The following ATM variants were observed in gnomAD, a reference collection of about 807,000 sequenced individuals.
ATM encodes serine-protein kinase ATM.
In ATM, 308 loss-of-function variants were observed where a neutral mutation model predicts 387.0. The observed-to-expected ratio is 0.80, with a 90% CI of 0.73 to 0.87. The LOEUF (loss-of-function observed/expected upper bound fraction) is 0.87, where lower values mean the gene tolerates loss of function less well. ATM is among the 40% of genes least tolerant of loss of function. The pLI is 0.00. For synonymous variants in ATM, 1,156 were observed against 1,187.3 expected, an observed-to-expected ratio of 0.97 and a Z score of 0.54; for missense variants, 3,312 against 3,560.9, an observed-to-expected ratio of 0.93 and a Z score of 1.78.
At chr11:108,240,861 AC>A (rs1391429029) in intron 5 of ATM, among the ~76,000 whole-genome samples, 7 of 152,198 alleles carry the variant, frequency 4.6e-5, no homozygotes, top group African/African-American at 1.7e-4. Flanking sequence ...TACTAAAGTA[AC>A]ATTAGCTACT....
intron 22 of ATM, among the ~76,000 whole-genome samples, chr11:108,275,254 C>T (rs2081875324): frequency 6.6e-6 from 1 of 152,080 alleles, no homozygotes; most frequent in South Asian, 2.1e-4. Context: ...CTATGTGTGT[C>T]TTTGCATGTG....
chr11:108,293,572 TTTCTTTAATTGTGATTAAAAATATATAC>T, intron 31 of ATM, 95 bp downstream of exon 31: 1 of 1,136,530 alleles, frequency 8.8e-7, no homozygotes, highest in Non-Finnish European at 1.3e-6. Context: ...AATGGAATCT[TTTCTTTAATTGTGATTAAAAATATATAC>T]GTAGGCCAGG....
intron 30 of ATM, among the ~76,000 whole-genome samples, chr11:108,293,001 G>A (rs1430768974): frequency 6.6e-6 from 1 of 152,182 alleles, no homozygotes; most frequent in African/African-American, 2.4e-5. Context: ...CTACTGTGCT[G>A]AAGTAGAGAG....
Position 108,366,794 on chromosome 11 carries a change from G to A in ATM, c.*1286G>A, listed in dbSNP as rs1288670842. 1 of 230,266 alleles carries A rather than the reference G, an allele frequency of 4.3e-6. No individual in the cohort carries two copies. The highest frequency in any genetic ancestry group is 8.6e-6 in the Non-Finnish European group (1 of 116,258). The allele number at this position is 230,266 out of a possible 1,614,324, so 14.3% of individuals were successfully genotyped here. ...GATGCCTTTTTCACTGAGAGTATAA[G>A]CTTCCATGTGTCCCACCTTTATGGC... On this transcript the variant is annotated 3_prime_UTR_variant, in exon 63 of 63. Transcript: ENST00000675843.
intron 61 of ATM, 142 bp downstream of exon 61, chr11:108,355,016 G>T: frequency 1.4e-6 from 1 of 716,944 alleles, no homozygotes. Flanking sequence ...AGGAGATTGT[G>T]CACTTAGCCT....
Position 108,320,918 on chromosome 11 carries a change from AG to A in ATM, c.6453-382del, listed in dbSNP as rs1167053782. ...AATACCATATTCTTACAATAAAGTA[AG>A]CTAGAGAAAAGAAAATGTTATTGAA... is the stretch of plus-strand genomic sequence containing the variant. On this transcript the variant is annotated intron_variant, in intron 44 of 62. Transcript: ENST00000675843. Among the ~76,000 whole-genome samples the A allele has an allele frequency of 6.6e-5, 10 of 152,368 alleles. No individual in the cohort carries two copies. In the East Asian group the frequency reaches 1.9e-3, roughly 29 times the overall value.
At chr11:108,241,742 C>CTTTTTTTTTTTTTTTTTTTTTTTTTTTTT (rs1206745957) in intron 5 of ATM, among the ~76,000 whole-genome samples, 8 of 45,352 alleles carry the variant, frequency 1.8e-4, no homozygotes, top group East Asian at 5.6e-4. Flanking sequence ...TTCTTTCTTT[C>CTTTTTTTTTTTTTTTTTTTTTTTTTTTTT]TTTTTTTTTT....
chr11:108,239,423 A>G (rs555368888), intron 5 of ATM, among the ~76,000 whole-genome samples: 1 of 152,350 alleles, frequency 6.6e-6, no homozygotes, highest in East Asian at 1.9e-4. Flanking sequence ...CCTGCTTATT[A>G]CACTTACCAA....
At chr11:108,258,873 C>A in intron 15 of ATM, 113 bp from the exon 16 acceptor site, 1 of 792,908 alleles carries the variant, frequency 1.3e-6, no homozygotes, top group Non-Finnish European at 2.1e-6. Flanking sequence ...ATATATTGGC[C>A]CTAATAGTAA....
At position 108,271,354 on chromosome 11, in the gene ATM, G is replaced by C. The variant is rs1064794039; in HGVS notation, c.3025G>C (p.Glu1009Gln). ...KNLGQSNMDS[E>Q]NTRDAQGQFL... The stretch of plus-strand genomic sequence containing the variant: ...CCTAGGTCAAAGCAATATGGACTCT[G>C]AGAACACAAGGGATGCTCAAGGACA... Residue 1009 changes from glutamate (E) to glutamine (Q), a missense_variant, in exon 20 of 63, where the codon GAG becomes CAG. Transcript: ENST00000675843. The C allele has an allele frequency of 1.2e-6, 2 of 1,613,960 alleles. No homozygotes were observed. The highest frequency in any genetic ancestry group is 1.7e-6 in the Non-Finnish European group (2 of 1,179,990).
At chr11:108,244,560 G>A (rs550587388) in intron 6 of ATM, among the ~76,000 whole-genome samples, 1 of 152,080 alleles carries the variant, frequency 6.6e-6, no homozygotes, top group South Asian at 2.1e-4. Context: ...TTTAGCAGGA[G>A]GGAGAGCTAA....
intron 5 of ATM, among the ~76,000 whole-genome samples, chr11:108,236,775 T>A (rs1209299828): frequency 6.6e-6 from 1 of 152,148 alleles, no homozygotes; most frequent in Non-Finnish European, 1.5e-5. Context: ...TGGTGTTGTT[T>A]CCTGTTTATA....
At chr11:108,342,161 A>G (rs757548909) in intron 56 of ATM, among the ~76,000 whole-genome samples, 6 of 152,128 alleles carry the variant, frequency 3.9e-5, no homozygotes, top group African/African-American at 7.2e-5. Flanking sequence ...GCCCAAGGCA[A>G]TTCTTCCAGT....
intron 18 of ATM, among the ~76,000 whole-genome samples, chr11:108,269,420 C>T (rs976292341): frequency 2.8e-4 from 42 of 152,146 alleles, no homozygotes; most frequent in African/African-American, 9.7e-4. Flanking sequence ...GTCCATTTAT[C>T]TGTCTGTTGA....
At chr11:108,229,821 C>T (rs1324578847) in intron 4 of ATM, 1 of 153,516 alleles carries the variant, frequency 6.5e-6, no homozygotes, top group Non-Finnish European at 1.4e-5. Flanking sequence ...GCTAGGACTA[C>T]AGAAGTGCAT....
intron 24 of ATM, among the ~76,000 whole-genome samples, chr11:108,281,738 T>TAA: frequency 6.6e-6 from 1 of 152,184 alleles, no homozygotes; most frequent in Non-Finnish European, 1.5e-5. Flanking sequence ...AAATCAGTGG[T>TAA]AGGTCAGTGG....
intron 9 of ATM, 54 bp from the exon 10 acceptor site, chr11:108,250,645 TTA>T (rs1308160898): frequency 6.5e-6 from 10 of 1,530,042 alleles, no homozygotes; most frequent in Non-Finnish European, 8.0e-6. Context: ...ATATTTCCTT[TTA>T]GTTTGTTAAT....
At position 108,291,310 on chromosome 11, in the gene ATM, G is replaced by T. The variant is rs548459867; in HGVS notation, c.4437-1309G>T. On this transcript the variant is annotated intron_variant, in intron 29 of 62. Transcript: ENST00000675843. Reference sequence around the variant, plus strand: ...TTTAGCATCTCTGATCTTTTCCATTGATTTTAATGAGATTTCTATTTTTTA... The same window carrying T: ...TTTAGCATCTCTGATCTTTTCCATTTATTTTAATGAGATTTCTATTTTTTA... Among the ~76,000 whole-genome samples, 8 of 152,312 alleles carry T rather than the reference G, an allele frequency of 5.3e-5. No individual in the cohort carries two copies. The South Asian group carries it at 1.7e-3, about 32-fold the overall frequency.
chr11:108,317,981 C>T (rs2084894191), intron 43 of ATM, among the ~76,000 whole-genome samples: 1 of 152,108 alleles, frequency 6.6e-6, no homozygotes, highest in African/African-American at 2.4e-5. Flanking sequence ...CTGCTACAAA[C>T]ATTTTAGTCA....
Sources: allele counts gnomAD v4.1 joint callset (sites outside exome capture counted in the v4.1 genomes callset), GRCh38; gene constraint gnomAD v4.1.1; transcripts MANE v1.5; gene names NCBI Gene and HGNC (gene_info 2026-07-23, HGNC 2026-07-21).